The following POFUT3 variants were observed in gnomAD, a reference collection of about 807,000 sequenced individuals.
POFUT3 encodes GDP-fucose protein O-fucosyltransferase 3.
the POFUT3 span, among the ~76,000 whole-genome samples, chr8:33,472,552 C>T: frequency 6.6e-6 from 1 of 152,218 alleles, no homozygotes; most frequent in Non-Finnish European, 1.5e-5. Context: ...ACGCCGTATT[C>T]TCTGCAACTA....
chr8:33,364,088 C>T, the POFUT3 span, among the ~76,000 whole-genome samples: 2 of 152,310 alleles, frequency 1.3e-5, no homozygotes, highest in Non-Finnish European at 2.9e-5. Context: ...AAGTTGGCTT[C>T]ATCCCTGGGA....
the POFUT3 span, among the ~76,000 whole-genome samples, chr8:33,438,414 C>CA: frequency 4.6e-5 from 7 of 151,972 alleles, no homozygotes; most frequent in South Asian, 6.2e-4. Context: ...CCTGTCTCTA[C>CA]AAAAAAAATT....
At chr8:33,346,366 T>A in the POFUT3 span, among the ~76,000 whole-genome samples, 1 of 152,166 alleles carries the variant, frequency 6.6e-6, no homozygotes, top group Non-Finnish European at 1.5e-5. Context: ...AGCTTTAGAT[T>A]ACATGCTTCA....
chr8:33,441,477 C>T, the POFUT3 span, among the ~76,000 whole-genome samples: 1 of 148,318 alleles, frequency 6.7e-6, no homozygotes, highest in South Asian at 2.1e-4. Flanking sequence ...GCCTCCCAGG[C>T]TCAAGCAATC....
At chr8:33,405,505 G>A in the POFUT3 span, among the ~76,000 whole-genome samples, 13 of 152,032 alleles carry the variant, frequency 8.6e-5, no homozygotes, top group South Asian at 4.2e-4. Context: ...AAAAATAGTC[G>A]ATGATTCAAG....
chr8:33,464,799 A>T, the POFUT3 span, among the ~76,000 whole-genome samples: 4 of 152,184 alleles, frequency 2.6e-5, no homozygotes, highest in African/African-American at 9.6e-5. Context: ...AAATAATTTT[A>T]AAAAAAGAAA....
chr8:33,356,462 A>C, the POFUT3 span, among the ~76,000 whole-genome samples: 2 of 151,264 alleles, frequency 1.3e-5, no homozygotes, highest in Admixed American at 6.6e-5. Flanking sequence ...TGGCTGCATA[A>C]ATGTCTTCTT....
At chr8:33,318,688 TTA>T in the POFUT3 span, among the ~76,000 whole-genome samples, 1 of 67,524 alleles carries the variant, frequency 1.5e-5, no homozygotes, top group Non-Finnish European at 2.4e-5. Context: ...TATATATATT[TTA>T]TATATATTTA....
chr8:33,331,955 C>CT, the POFUT3 span, among the ~76,000 whole-genome samples: 1 of 134 alleles, frequency 7.5e-3, no homozygotes, highest in South Asian at 0.17. Context: ...GGATTACAGG[C>CT]GGAGCCACCG....
chr8:33,441,901 C>T, the POFUT3 span, among the ~76,000 whole-genome samples: 15 of 152,128 alleles, frequency 9.9e-5, no homozygotes, highest in Non-Finnish European at 1.8e-4. Context: ...TGCCCTGCCT[C>T]CCAATGCCAG....
the POFUT3 span, among the ~76,000 whole-genome samples, chr8:33,353,112 C>T: frequency 6.6e-5 from 10 of 152,200 alleles, no homozygotes; most frequent in African/African-American, 2.4e-5. Flanking sequence ...CCAGCCATCT[C>T]CAAATTGATC....
At chr8:33,427,657 A>T in the POFUT3 span, among the ~76,000 whole-genome samples, 2 of 152,218 alleles carry the variant, frequency 1.3e-5, no homozygotes, top group Non-Finnish European at 2.9e-5. Flanking sequence ...TAAAACACCA[A>T]AAGCTTGGAA....
chr8:33,403,001 C>T, the POFUT3 span, among the ~76,000 whole-genome samples: 3 of 151,720 alleles, frequency 2.0e-5, no homozygotes, highest in African/African-American at 7.3e-5. Context: ...GCAGAGGTTA[C>T]AGTGAGCCGA....
At chr8:33,356,521 T>G in the POFUT3 span, among the ~76,000 whole-genome samples, 8 of 151,244 alleles carry the variant, frequency 5.3e-5, no homozygotes, top group African/African-American at 1.7e-4. Flanking sequence ...ATGGGGTTGT[T>G]TTTTTTTTCT....
the POFUT3 span, among the ~76,000 whole-genome samples, chr8:33,407,768 C>T: frequency 6.6e-6 from 1 of 151,724 alleles, no homozygotes; most frequent in African/African-American, 2.4e-5. Flanking sequence ...TTTGGGAGGC[C>T]GAGGCAGGCA....
chr8:33,436,884 C>CAA, the POFUT3 span, among the ~76,000 whole-genome samples: 1 of 152,152 alleles, frequency 6.6e-6, no homozygotes, highest in South Asian at 2.1e-4. Context: ...GCACAGTACC[C>CAA]AACAGCTTTT....
the POFUT3 span, among the ~76,000 whole-genome samples, chr8:33,372,978 C>T: frequency 4.6e-5 from 7 of 152,242 alleles, no homozygotes; most frequent in Middle Eastern, 3.4e-3. Context: ...TGAATAGGTG[C>T]TACTACCCCA....
the POFUT3 span, among the ~76,000 whole-genome samples, chr8:33,341,555 C>CA: frequency 1.3e-5 from 2 of 148,804 alleles, no homozygotes; most frequent in African/African-American, 2.5e-5. Flanking sequence ...ATTGAACTGA[C>CA]AAAAAAACAC....
chr8:33,443,370 C>T, the POFUT3 span, among the ~76,000 whole-genome samples: 1 of 152,164 alleles, frequency 6.6e-6, no homozygotes, highest in Non-Finnish European at 1.5e-5. Flanking sequence ...CTGCTTCATC[C>T]CTACTCCCGA....
Sources: gnomAD v4.1 joint callset for allele counts (sites outside exome capture counted in the v4.1 genomes callset) on GRCh38, gnomAD v4.1.1 for gene constraint, MANE v1.5 for transcripts, NCBI Gene and HGNC (gene_info 2026-07-23, HGNC 2026-07-21) for gene names.